Variants in CNTNAP5 observed in about 807,000 individuals in gnomAD.
CNTNAP5 encodes contactin-associated protein-like 5.
Under a neutral mutation model 150.2 loss-of-function variants are expected in CNTNAP5, and 72 were observed. The ratio of observed to expected loss-of-function variants is 0.48; its 90% CI spans 0.40 to 0.58. The LOEUF (loss-of-function observed/expected upper bound fraction) is 0.58. Ranked by LOEUF, CNTNAP5 falls within the 20% of genes least tolerant of loss-of-function variation. The probability of loss-of-function intolerance (pLI) is 0.00; values close to 1 mark genes in which losing one functional copy is unlikely to be tolerated. For missense variants in CNTNAP5, 1,636 were observed against 1,626.2 expected (o/e 1.01, Z -0.10); for synonymous variants, 672 against 619.8 (o/e 1.08, Z -1.25).
intron 3 of CNTNAP5, among the ~76,000 whole-genome samples, chr2:124,397,689 A>G (rs541182710): frequency 1.3e-5 from 2 of 152,172 alleles, no homozygotes; most frequent in Non-Finnish European, 2.9e-5. Context: ...TGTTATCTCC[A>G]TTTAATAGAT....
chr2:124,743,647 G>T (rs1416586452), intron 13 of CNTNAP5, among the ~76,000 whole-genome samples: 2 of 152,178 alleles, frequency 1.3e-5, no homozygotes, highest in Non-Finnish European at 2.9e-5. Context: ...GCTGGGCAGG[G>T]TTTTATATTT....
intron 3 of CNTNAP5, among the ~76,000 whole-genome samples, chr2:124,325,213 C>A (rs770835762): frequency 3.7e-4 from 57 of 152,222 alleles, no homozygotes; most frequent in South Asian, 8.3e-4. Flanking sequence ...TCAGAAGGCA[C>A]CAACCATGAA....
intron 3 of CNTNAP5, among the ~76,000 whole-genome samples, chr2:124,385,490 A>T (rs1047793795): frequency 2.0e-5 from 3 of 152,236 alleles, no homozygotes; most frequent in Non-Finnish European, 4.4e-5. Flanking sequence ...TTAATCTGCA[A>T]TTAATAACTA....
chr2:124,534,927 C>A (rs1479339078), intron 10 of CNTNAP5, among the ~76,000 whole-genome samples: 1 of 152,140 alleles, frequency 6.6e-6, no homozygotes, highest in Non-Finnish European at 1.5e-5. Flanking sequence ...CAATATGTCT[C>A]AGCCTTATTT....
intron 1 of CNTNAP5, among the ~76,000 whole-genome samples, chr2:124,181,484 C>A (rs1401217841): frequency 1.3e-5 from 2 of 151,704 alleles, no homozygotes; most frequent in Admixed American, 6.6e-5. Context: ...AAAATTATTT[C>A]TTTCTTTCTA....
At chr2:124,262,997 A>G (rs1217929546) in intron 3 of CNTNAP5, among the ~76,000 whole-genome samples, 4 of 152,196 alleles carry the variant, frequency 2.6e-5, no homozygotes, top group East Asian at 1.9e-4. Context: ...TTTTATGGCT[A>G]CATAGTATTC....
In CNTNAP5 at chr2:124,920,993, T is replaced by C. The variant is rs540032199; in HGVS notation, c.*6705T>C. On this transcript the variant is annotated 3_prime_UTR_variant, in exon 24 of 24. Transcript: ENST00000682447. Reference sequence around the variant, plus strand: ...GCTGGAGTCTACCTTTTCCTTTTTATCTTCTGATTTTTGTTCCTAAAATAA... The same window carrying C: ...GCTGGAGTCTACCTTTTCCTTTTTACCTTCTGATTTTTGTTCCTAAAATAA... 7.2e-5 allele frequency among the ~76,000 whole-genome samples: 11 copies of C among 152,274 alleles called. No homozygotes were observed. The South Asian group carries it at 1.9e-3, about 26-fold the overall frequency.
intron 3 of CNTNAP5, among the ~76,000 whole-genome samples, chr2:124,403,171 T>C (rs949585916): frequency 1.3e-5 from 2 of 152,258 alleles, no homozygotes; most frequent in African/African-American, 4.8e-5. Flanking sequence ...AAAATGTAAG[T>C]GTCATTGACA....
intron 1 of CNTNAP5, among the ~76,000 whole-genome samples, chr2:124,046,670 T>A (rs1681546735): frequency 6.6e-6 from 1 of 151,832 alleles, no homozygotes; most frequent in Non-Finnish European, 1.5e-5. Context: ...GACGATTGGG[T>A]TTTTAATGCT....
chr2:124,296,928 A>G (rs1688447169), intron 3 of CNTNAP5, among the ~76,000 whole-genome samples: 1 of 152,188 alleles, frequency 6.6e-6, no homozygotes, highest in Admixed American at 6.5e-5. Context: ...AATCCTGTTC[A>G]GCAAACGTTG....
chr2:124,884,833 T>C (rs889095725), intron 21 of CNTNAP5, among the ~76,000 whole-genome samples: 3 of 151,992 alleles, frequency 2.0e-5, no homozygotes, highest in African/African-American at 4.8e-5. Flanking sequence ...AGCACTTCTT[T>C]ATTCATTTTC....
intron 3 of CNTNAP5, among the ~76,000 whole-genome samples, chr2:124,291,112 T>C (rs968750760): frequency 1.3e-5 from 2 of 152,034 alleles, no homozygotes; most frequent in African/African-American, 2.4e-5. Flanking sequence ...AATAATCTTG[T>C]AGTAATTATT....
At chr2:124,056,542 C>G (rs138872329) in intron 1 of CNTNAP5, among the ~76,000 whole-genome samples, 1 of 152,066 alleles carries the variant, frequency 6.6e-6, no homozygotes, top group Non-Finnish European at 1.5e-5. Flanking sequence ...GCTACTCAGG[C>G]GGCTGAGGCA....
At chr2:124,697,611 G>GGA (rs1553432509) in intron 13 of CNTNAP5, among the ~76,000 whole-genome samples, 1 of 128,422 alleles carries the variant, frequency 7.8e-6, no homozygotes, top group African/African-American at 3.0e-5. Context: ...CCCTTAGTTT[G>GGA]AAAAAAAAAA....
intron 1 of CNTNAP5, among the ~76,000 whole-genome samples, chr2:124,048,924 G>A (rs149507078): frequency 3.2e-4 from 48 of 152,290 alleles, no homozygotes; most frequent in African/African-American, 1.1e-3. Context: ...TATGCAATAC[G>A]TTAGGTTACA....
chr2:124,373,400 A>C (rs1226436903), intron 3 of CNTNAP5, among the ~76,000 whole-genome samples: 1 of 152,152 alleles, frequency 6.6e-6, no homozygotes, highest in Non-Finnish European at 1.5e-5. Context: ...CAGATCAAGG[A>C]ATGGAGAGAC....
intron 22 of CNTNAP5, among the ~76,000 whole-genome samples, chr2:124,906,702 T>G (rs1011731254): frequency 1.3e-5 from 2 of 152,150 alleles, no homozygotes; most frequent in East Asian, 3.9e-4. Flanking sequence ...TTTGTAAAAA[T>G]TGAGAAATAA....
At chr2:124,764,208 T>TG in intron 16 of CNTNAP5, 61 bp downstream of exon 16, 1 of 1,397,268 alleles carries the variant, frequency 7.2e-7, no homozygotes, top group Non-Finnish European at 1.0e-6. Context: ...TAGTCTTGTT[T>TG]TTGCCACCAG....
intron 11 of CNTNAP5, among the ~76,000 whole-genome samples, chr2:124,588,242 TC>T (rs1696601620): frequency 6.7e-6 from 1 of 150,322 alleles, no homozygotes; most frequent in Non-Finnish European, 1.5e-5. Context: ...CTTTCTTCTT[TC>T]TTTATTTCCT....
Sources: allele counts gnomAD v4.1 joint callset (sites outside exome capture counted in the v4.1 genomes callset), GRCh38; gene constraint gnomAD v4.1.1; transcripts MANE v1.5; gene names NCBI Gene and HGNC (gene_info 2026-07-23, HGNC 2026-07-21).